The following LARGE1 variants were observed in gnomAD, a reference collection of about 807,000 sequenced individuals.
LARGE1 encodes LARGE xylosyl- and glucuronyltransferase 1.
Under a neutral mutation model 87.6 loss-of-function variants are expected in LARGE1, and 43 were observed. That is an observed-to-expected ratio of 0.49 (90% CI 0.38 to 0.63). The LOEUF is 0.63. Among genes scored for constraint, LARGE1 ranks in the 30% least tolerant of loss-of-function variants. LARGE1 has a pLI of 0.00. For missense variants in LARGE1, 802 were observed against 1,000.2 expected (o/e 0.80, Z 2.67); for synonymous variants, 434 against 394.6 (o/e 1.10, Z -1.18).
intron 11 of LARGE1, among the ~76,000 whole-genome samples, chr22:33,309,077 T>C (rs913995818): frequency 3.9e-5 from 6 of 152,094 alleles, no homozygotes; most frequent in African/African-American, 1.4e-4. Flanking sequence ...GAGCTTTTAT[T>C]CTAGTGGGGA....
chr22:33,569,372 C>CAGGAAGACTACAGGAATAAATT (rs2078126109), intron 5 of LARGE1, among the ~76,000 whole-genome samples: 2 of 152,190 alleles, frequency 1.3e-5, no homozygotes, highest in South Asian at 4.1e-4. Flanking sequence ...CACTGCAAAA[C>CAGGAAGACTACAGGAATAAATT]AGGAAGACTA....
intron 1 of LARGE1, among the ~76,000 whole-genome samples, chr22:33,915,012 A>AACACACACACAC (rs71320998): frequency 4.3e-5 from 6 of 139,208 alleles, no homozygotes; most frequent in Non-Finnish European, 9.3e-5. Context: ...TACAAACACA[A>AACACACACACAC]ACACACACAC....
intron 1 of LARGE1, among the ~76,000 whole-genome samples, chr22:33,912,727 C>G (rs1450238044): frequency 7.0e-6 from 1 of 143,866 alleles, no homozygotes; most frequent in Non-Finnish European, 1.5e-5. Context: ...ATTCCTAGAA[C>G]AAAATCTTTT....
At chr22:33,557,814 G>T (rs1251973524) in intron 6 of LARGE1, among the ~76,000 whole-genome samples, 1 of 152,112 alleles carries the variant, frequency 6.6e-6, no homozygotes, top group South Asian at 2.1e-4. Flanking sequence ...TGATCCACCC[G>T]CCTTAGCCTC....
chr22:33,487,428 C>A (rs2069636346), intron 6 of LARGE1, among the ~76,000 whole-genome samples: 1 of 152,158 alleles, frequency 6.6e-6, no homozygotes, highest in Non-Finnish European at 1.5e-5. Flanking sequence ...GGTTTCTTGA[C>A]AGCAGCCTAA....
chr22:33,226,632 G>A (rs1453639074), intron 11 of LARGE1, among the ~76,000 whole-genome samples: 5 of 152,112 alleles, frequency 3.3e-5, no homozygotes, highest in African/African-American at 1.2e-4. Flanking sequence ...CCTGACAAGA[G>A]GAAGCAACAA....
At chr22:33,263,312 G>A (rs1047795292) in intron 11 of LARGE1, among the ~76,000 whole-genome samples, 1 of 152,230 alleles carries the variant, frequency 6.6e-6, no homozygotes, top group Non-Finnish European at 1.5e-5. Flanking sequence ...CTGTGAAGAT[G>A]AGCAGGACCT....
intron 6 of LARGE1, among the ~76,000 whole-genome samples, chr22:33,544,548 G>A (rs929623491): frequency 6.6e-6 from 1 of 152,136 alleles, no homozygotes; most frequent in Non-Finnish European, 1.5e-5. Context: ...TTAGCTGGGT[G>A]TAGTGGTACG....
At chr22:33,410,605 C>T (rs894725650) in intron 7 of LARGE1, among the ~76,000 whole-genome samples, 4 of 152,112 alleles carry the variant, frequency 2.6e-5, no homozygotes, top group Admixed American at 2.6e-4. Flanking sequence ...CCTGACGCCT[C>T]CCCAGCCATG....
rs147316048 is a variant in LARGE1, at chr22:33,463,980, C to T, written c.788-31715G>A. 1.2e-3 allele frequency among the ~76,000 whole-genome samples: 181 copies of T among 152,080 alleles called. 1 individual carries two copies. Among genetic ancestry groups the T allele is most frequent in the African/African-American group, 4.0e-3 (168 of 41,488 alleles). ...TGGGACACTGCACCCGTTTTATTTA[C>T]GTTTTTAATAGTTCAATTTTTAAGT... is the stretch of plus-strand genomic sequence containing the variant. On this transcript the variant is annotated intron_variant, in intron 6 of 14. Transcript: ENST00000397394.
chr22:33,314,211 G>A (rs1935907612), intron 11 of LARGE1, among the ~76,000 whole-genome samples: 1 of 152,056 alleles, frequency 6.6e-6, no homozygotes, highest in African/African-American at 2.4e-5. Context: ...GTCTTTACCT[G>A]TTACCTGCTA....
intron 2 of LARGE1, among the ~76,000 whole-genome samples, chr22:33,731,029 G>A (rs1601451710): frequency 7.3e-6 from 1 of 137,226 alleles, no homozygotes; most frequent in South Asian, 2.3e-4. Context: ...TTGAGACGGA[G>A]TCTTGTTCTG....
At chr22:33,652,997 C>T (rs2080864511) in intron 2 of LARGE1, among the ~76,000 whole-genome samples, 1 of 152,206 alleles carries the variant, frequency 6.6e-6, no homozygotes, top group Admixed American at 6.5e-5. Context: ...TTGTCACCGA[C>T]TGGCCAATTA....
intron 1 of LARGE1, among the ~76,000 whole-genome samples, chr22:33,803,758 C>A (rs139936750): frequency 4.4e-4 from 67 of 152,164 alleles, no homozygotes; most frequent in Admixed American, 1.3e-3. Context: ...AACATGTTTA[C>A]GAGGGAAGCT....
chr22:33,310,392 C>T (rs898964264), intron 11 of LARGE1, among the ~76,000 whole-genome samples: 2 of 152,132 alleles, frequency 1.3e-5, no homozygotes, highest in African/African-American at 4.8e-5. Flanking sequence ...GTGAACCCCT[C>T]GTGATCAGCT....
intron 2 of LARGE1, among the ~76,000 whole-genome samples, chr22:33,666,868 A>G (rs937526546): frequency 7.3e-5 from 11 of 150,938 alleles, no homozygotes; most frequent in African/African-American, 2.7e-4. Flanking sequence ...CAAAGCCACA[A>G]TGGGAGTGAG....
chr22:33,742,209 TCA>T (rs2083910878), intron 2 of LARGE1, among the ~76,000 whole-genome samples: 2 of 152,108 alleles, frequency 1.3e-5, no homozygotes, highest in Non-Finnish European at 2.9e-5. Flanking sequence ...TCTGTATACT[TCA>T]GTTTCCTCGC....
intron 1 of LARGE1, among the ~76,000 whole-genome samples, chr22:33,792,539 C>T (rs1389986532): frequency 6.6e-6 from 1 of 152,120 alleles, no homozygotes; most frequent in African/African-American, 2.4e-5. Flanking sequence ...CACAGGAGGG[C>T]AAGGTCTAAC....
chr22:33,222,155 G>C (rs376152741), intron 11 of LARGE1, among the ~76,000 whole-genome samples: 1 of 152,112 alleles, frequency 6.6e-6, no homozygotes, highest in Admixed American at 6.5e-5. Context: ...GAATCATTTC[G>C]AACACGATAC....
Sources: gnomAD v4.1 joint callset for allele counts (sites outside exome capture counted in the v4.1 genomes callset) on GRCh38, gnomAD v4.1.1 for gene constraint, MANE v1.5 for transcripts, NCBI Gene and HGNC (gene_info 2026-07-23, HGNC 2026-07-21) for gene names.